RASSF8: variants seen among roughly 807,000 people sequenced by gnomAD.
RASSF8 encodes the protein ras association domain-containing protein 8.
RASSF8 carries 22 observed loss-of-function variants against 48.5 expected under a neutral mutation model. That is an observed-to-expected ratio of 0.45 (90% CI 0.32 to 0.65). RASSF8 has a LOEUF of 0.65. RASSF8 is among the 30% of genes least tolerant of loss of function. The pLI is 0.03. For synonymous variants in RASSF8, 127 were observed against 171.5 expected (o/e 0.74, Z 2.03); for missense variants, 418 against 489.2 (o/e 0.85, Z 1.37).
At chr12:25,994,834 C>T (rs1419023998) in intron 1 of RASSF8, among the ~76,000 whole-genome samples, 3 of 152,152 alleles carry the variant, frequency 2.0e-5, no homozygotes, top group Non-Finnish European at 2.9e-5. Flanking sequence ...TGAAACCAAA[C>T]CAAACAAACC....
In RASSF8 at chr12:26,026,047, G is replaced by A. The variant is rs543926935; in HGVS notation, c.-108-29189G>A. On this transcript the variant is annotated intron_variant, in intron 2 of 5. Coordinates refer to ENST00000689635, the MANE Select transcript of RASSF8 (RefSeq NM_001394098.1). ...ATAAAACTCATAGACGTAAACTTAG[G>A]CATAAATCCTCTTGATCCTGAATTA... Among the ~76,000 whole-genome samples, 197 of 152,208 alleles carry A rather than the reference G, an allele frequency of 1.3e-3. 2 individuals carry two copies. The highest frequency in any genetic ancestry group is 4.6e-3 in the African/African-American group (190 of 41,520).
At chr12:26,027,064 A>G (rs547514583) in intron 2 of RASSF8, among the ~76,000 whole-genome samples, 1 of 152,366 alleles carries the variant, frequency 6.6e-6, no homozygotes, top group East Asian at 1.9e-4. Flanking sequence ...AAAATGAAAT[A>G]CAGATATTTA....
At chr12:25,963,300 T>TA (rs1941280443) in intron 1 of RASSF8, among the ~76,000 whole-genome samples, 1 of 96,916 alleles carries the variant, frequency 1.0e-5, no homozygotes, top group African/African-American at 4.1e-5. Context: ...TCTCTCTCAC[T>TA]AAAGCATTCC....
intron 2 of RASSF8, among the ~76,000 whole-genome samples, chr12:26,036,243 A>G (rs182549420): frequency 1.3e-5 from 2 of 151,854 alleles, no homozygotes; most frequent in Non-Finnish European, 2.9e-5. Flanking sequence ...TTTGTGAATC[A>G]TATCTTTATA....
intron 2 of RASSF8, among the ~76,000 whole-genome samples, chr12:26,022,136 A>G (rs1272797071): frequency 2.6e-5 from 4 of 152,220 alleles, no homozygotes; most frequent in African/African-American, 9.6e-5. Flanking sequence ...GTTGAAAACA[A>G]TAGAGCAATC....
intron 2 of RASSF8, among the ~76,000 whole-genome samples, chr12:25,996,758 G>C (rs1942144331): frequency 6.6e-6 from 1 of 152,066 alleles, no homozygotes; most frequent in Non-Finnish European, 1.5e-5. Flanking sequence ...ATAAATGAAG[G>C]GTTTACCTAG....
Position 26,072,590 on chromosome 12 carries a change from T to A in RASSF8, c.*3772T>A, listed in dbSNP as rs1212046884. The A allele has an allele frequency of 1.0e-6, 1 of 985,260 alleles. No individual in the cohort carries two copies. The highest frequency in any genetic ancestry group is 1.7e-5 in the African/African-American group (1 of 57,222). 61.0% of individuals were successfully genotyped at this position (985,260 alleles called of 1,614,324 possible). On this transcript the variant is annotated 3_prime_UTR_variant, in exon 6 of 6. Transcript: ENST00000689635. ...AGCCAGACATGGTGATAGCCCTAAA[T>A]GTATTTCTCAATATGTTTTTCTTTA...
chr12:25,983,880 C>T (rs1215295238), intron 1 of RASSF8, among the ~76,000 whole-genome samples: 2 of 152,112 alleles, frequency 1.3e-5, no homozygotes, highest in African/African-American at 2.4e-5. Context: ...AACCCATACC[C>T]GTGTGTGCCA....
intron 2 of RASSF8, among the ~76,000 whole-genome samples, chr12:26,030,209 C>A (rs1229431075): frequency 6.6e-6 from 1 of 151,766 alleles, no homozygotes; most frequent in Admixed American, 6.6e-5. Context: ...TAAAATAATT[C>A]TTAGTAGGTT....
downstream of RASSF8, among the ~76,000 whole-genome samples, chr12:26,076,259 CT>C (rs569817249): frequency 0.069 from 9,868 of 143,784 alleles, 429 homozygotes; most frequent in African/African-American, 0.13. Flanking sequence ...TCACAAAAAT[CT>C]TTTTTTTTTT....
chr12:25,986,924 T>TG (rs1168723100), intron 1 of RASSF8, among the ~76,000 whole-genome samples: 40 of 117,926 alleles, frequency 3.4e-4, no homozygotes, highest in South Asian at 9.5e-4. Flanking sequence ...ACCGTTTTTT[T>TG]TTTTTGTTTG....
At chr12:26,034,470 T>G (rs1943090996) in intron 2 of RASSF8, among the ~76,000 whole-genome samples, 1 of 152,016 alleles carries the variant, frequency 6.6e-6, no homozygotes, top group African/African-American at 2.4e-5. Flanking sequence ...GGGCCGCATT[T>G]AAAGCCATCT....
At chr12:26,022,985 G>A (rs1000412263) in intron 2 of RASSF8, among the ~76,000 whole-genome samples, 20 of 152,084 alleles carry the variant, frequency 1.3e-4, no homozygotes, top group African/African-American at 4.1e-4. Flanking sequence ...GACCTCAGGT[G>A]ATCACCCACC....
Position 26,070,916 on chromosome 12 carries a change from A to C in RASSF8, c.*2098A>C. On this transcript the variant is annotated 3_prime_UTR_variant, in exon 6 of 6. Coordinates refer to ENST00000689635, the MANE Select transcript of RASSF8 (RefSeq NM_001394098.1). ...AAATTGTTATCAGAATTAACCTAATAACTTTAAGTAAGGACAAGCAGCATC... is the reference window on the plus strand; with the variant it reads ...AAATTGTTATCAGAATTAACCTAATCACTTTAAGTAAGGACAAGCAGCATC... The C allele has an allele frequency of 2.0e-6, 2 of 984,852 alleles. No individual in the cohort carries two copies. Among genetic ancestry groups the C allele is most frequent in the Non-Finnish European group, 2.4e-6 (2 of 829,372 alleles). 61.0% of individuals were successfully genotyped at this position (984,852 alleles called of 1,614,324 possible).
chr12:26,055,624 G>A (rs1479205186), intron 3 of RASSF8, among the ~76,000 whole-genome samples, 178 bp downstream of exon 3: 6 of 152,132 alleles, frequency 3.9e-5, no homozygotes, highest in Non-Finnish European at 8.8e-5. Context: ...GATGATGCTT[G>A]TTCTCTGACA....
intron 2 of RASSF8, among the ~76,000 whole-genome samples, chr12:26,018,869 G>A (rs970476002): frequency 1.3e-5 from 2 of 152,204 alleles, no homozygotes; most frequent in African/African-American, 4.8e-5. Flanking sequence ...ATCCAAACTT[G>A]CCCAGTAAGC....
Position 26,072,016 on chromosome 12 carries a change from C to CT in RASSF8, c.*3199dup. The CT allele has an allele frequency of 1.0e-6, 1 of 985,338 alleles. No homozygotes were observed. The highest frequency in any genetic ancestry group is 1.2e-6 in the Non-Finnish European group (1 of 829,878). The allele number at this position is 985,338 out of a possible 1,614,324, so 61.0% of individuals were successfully genotyped here. On this transcript the variant is annotated 3_prime_UTR_variant, in exon 6 of 6. Coordinates refer to ENST00000689635, the MANE Select transcript of RASSF8 (RefSeq NM_001394098.1). ...TCTGTAAACATCTTCCAAGATAGAACTGTAATGGATTGAGGAAATAACACA... is the reference window on the plus strand; with the variant it reads ...TCTGTAAACATCTTCCAAGATAGAACTTGTAATGGATTGAGGAAATAACACA...
In RASSF8 at chr12:25,987,352, G is replaced by T. The variant is rs1036113602; in HGVS notation, c.-202-7685G>T. 2.6e-5 allele frequency among the ~76,000 whole-genome samples: 4 copies of T among 152,136 alleles called. No individual in the cohort carries two copies. In the East Asian group the frequency reaches 5.8e-4, roughly 22 times the overall value. On this transcript the variant is annotated intron_variant, in intron 1 of 5. Transcript: ENST00000689635. ...GCGGTCATGCCTCTTAGATTTTTTT[G>T]ACTAGCCTGGAGCCAAATTGAACAT...
downstream of RASSF8, among the ~76,000 whole-genome samples, chr12:26,073,446 A>T (rs1180182329): frequency 6.6e-6 from 1 of 152,110 alleles, no homozygotes; most frequent in African/African-American, 2.4e-5. Flanking sequence ...CTTAGAAATT[A>T]TACATGAGGG....
Sources: allele counts gnomAD v4.1 joint callset (sites outside exome capture counted in the v4.1 genomes callset), GRCh38; gene constraint gnomAD v4.1.1; transcripts MANE v1.5; gene names NCBI Gene and HGNC (gene_info 2026-07-23, HGNC 2026-07-21).